WWOX: variants seen among roughly 807,000 people sequenced by gnomAD.
WWOX encodes the protein WW domain containing oxidoreductase.
Under a neutral mutation model 46.2 loss-of-function variants are expected in WWOX, and 69 were observed. The ratio of observed to expected loss-of-function variants is 1.49; its 90% CI spans 1.23 to 1.82. WWOX has a LOEUF of 1.82. WWOX is among the 40% of genes most tolerant of loss of function. The pLI is 0.00. For synonymous variants in WWOX, 359 were observed against 202.6 expected (o/e 1.77, Z -6.56); for missense variants, 919 against 542.6 (o/e 1.69, Z -6.89).
chr16:78,772,096 A>C (rs1461420064), intron 8 of WWOX, among the ~76,000 whole-genome samples: 2 of 152,148 alleles, frequency 1.3e-5, no homozygotes, highest in African/African-American at 4.8e-5. Flanking sequence ...TTATATAGGT[A>C]ACTTCATGTC....
At chr16:79,198,591 A>G (rs2051286995) in intron 8 of WWOX, among the ~76,000 whole-genome samples, 1 of 152,178 alleles carries the variant, frequency 6.6e-6, no homozygotes, top group African/African-American at 2.4e-5. Context: ...TGACAAATGC[A>G]TTGTGAGTGT....
chr16:78,329,106 C>T (rs1597490103), intron 5 of WWOX, among the ~76,000 whole-genome samples: 2 of 152,146 alleles, frequency 1.3e-5, no homozygotes, highest in East Asian at 3.9e-4. Flanking sequence ...CATGATTCAC[C>T]AACCTTGGCC....
At chr16:78,524,519 C>G (rs1468481456) in intron 8 of WWOX, among the ~76,000 whole-genome samples, 3 of 151,810 alleles carry the variant, frequency 2.0e-5, no homozygotes, top group Non-Finnish European at 2.9e-5. Context: ...CTCCCGTGTC[C>G]AAGTGATTCT....
intron 8 of WWOX, among the ~76,000 whole-genome samples, chr16:78,923,276 C>G (rs558395924): frequency 2.6e-5 from 4 of 152,104 alleles, no homozygotes; most frequent in Non-Finnish European, 5.9e-5. Flanking sequence ...CCACTGTGCC[C>G]GGCCATCTTT....
At chr16:79,149,804 C>T (rs1316982604) in intron 8 of WWOX, among the ~76,000 whole-genome samples, 2 of 152,226 alleles carry the variant, frequency 1.3e-5, no homozygotes, top group Admixed American at 1.3e-4. Flanking sequence ...TCACTCAGTT[C>T]TGTTGGCATG....
intron 8 of WWOX, among the ~76,000 whole-genome samples, chr16:78,848,540 T>A (rs2052358468): frequency 6.6e-6 from 1 of 152,140 alleles, no homozygotes; most frequent in South Asian, 2.1e-4. Flanking sequence ...GAAAGTCCTT[T>A]ATGTGGTGTT....
chr16:78,637,277 A>G lies in WWOX; in HGVS notation c.1056+204525A>G, dbSNP rs540180815. 3.6e-4 allele frequency among the ~76,000 whole-genome samples: 55 copies of G among 152,000 alleles called. 1 individual carries two copies. Among genetic ancestry groups the G allele is most frequent in the Non-Finnish European group, 4.0e-4 (27 of 68,014 alleles). ...CCAACCAACGACCCTTCCCATATCTACTAAAAATACAAAAATTAGCTGGGC... is the reference window on the plus strand; with the variant it reads ...CCAACCAACGACCCTTCCCATATCTGCTAAAAATACAAAAATTAGCTGGGC... On this transcript the variant is annotated intron_variant, in intron 8 of 8. Transcript: ENST00000566780.
intron 8 of WWOX, among the ~76,000 whole-genome samples, chr16:78,801,384 C>T (rs2050884195): frequency 6.6e-6 from 1 of 152,134 alleles, no homozygotes; most frequent in African/African-American, 2.4e-5. Context: ...GTGGCATGTG[C>T]TATAATCCCA....
intron 8 of WWOX, among the ~76,000 whole-genome samples, chr16:79,040,802 C>T (rs147255556): frequency 5.9e-4 from 90 of 152,076 alleles, no homozygotes; most frequent in African/African-American, 2.1e-3. Context: ...TTGTCCTTGT[C>T]CGGAGAGCTC....
chr16:78,992,138 G>A (rs1454017972), intron 8 of WWOX, among the ~76,000 whole-genome samples: 3 of 152,194 alleles, frequency 2.0e-5, no homozygotes, highest in African/African-American at 7.2e-5. Flanking sequence ...AGGTAATCCT[G>A]TCCTTGAGGC....
At chr16:79,169,967 A>G (rs1022847079) in intron 8 of WWOX, among the ~76,000 whole-genome samples, 2 of 152,188 alleles carry the variant, frequency 1.3e-5, no homozygotes, top group African/African-American at 4.8e-5. Context: ...TCTGTTGACC[A>G]GGCTTGGGTG....
chr16:78,793,842 G>A (rs542850592), intron 8 of WWOX, among the ~76,000 whole-genome samples: 13 of 152,074 alleles, frequency 8.5e-5, no homozygotes, highest in African/African-American at 2.4e-4. Flanking sequence ...TTGGGAGGCC[G>A]AGGCAGGAGA....
At chr16:79,058,057 C>T (rs77165673) in intron 8 of WWOX, among the ~76,000 whole-genome samples, 1 of 150,786 alleles carries the variant, frequency 6.6e-6, no homozygotes, top group Middle Eastern at 3.2e-3. Context: ...CATCACTTTT[C>T]CTCCACACTA....
chr16:78,130,323 C>T (rs1247168943), intron 4 of WWOX, among the ~76,000 whole-genome samples: 1 of 152,072 alleles, frequency 6.6e-6, no homozygotes, highest in African/African-American at 2.4e-5. Context: ...GCTAACTTTC[C>T]TTAAGCTATG....
chr16:78,802,640 C>T (rs2050920451), intron 8 of WWOX, among the ~76,000 whole-genome samples: 2 of 151,788 alleles, frequency 1.3e-5, no homozygotes, highest in South Asian at 2.1e-4. Context: ...GAATGGCTGG[C>T]CACCGTGCCT....
intron 8 of WWOX, among the ~76,000 whole-genome samples, chr16:78,466,370 G>A (rs2084079095): frequency 6.6e-6 from 1 of 152,012 alleles, no homozygotes; most frequent in South Asian, 2.1e-4. Context: ...AAACTGTTTT[G>A]GAACTAGAGG....
chr16:78,323,171 G>A (rs976681136), intron 5 of WWOX, among the ~76,000 whole-genome samples: 4 of 152,052 alleles, frequency 2.6e-5, no homozygotes, highest in African/African-American at 9.7e-5. Flanking sequence ...ACAGTGGCAC[G>A]ATCTCAGCTC....
intron 8 of WWOX, among the ~76,000 whole-genome samples, chr16:78,448,740 AATC>A (rs1264193151): frequency 6.6e-6 from 1 of 152,154 alleles, no homozygotes; most frequent in Non-Finnish European, 1.5e-5. Context: ...GGGGAGGAAT[AATC>A]ATGTCTTCTC....
At chr16:78,725,316 T>G (rs1390828950) in intron 8 of WWOX, among the ~76,000 whole-genome samples, 1 of 151,168 alleles carries the variant, frequency 6.6e-6, no homozygotes, top group Non-Finnish European at 1.5e-5. Flanking sequence ...TATGTCTTTT[T>G]TTTTCCTTTT....
Sources: allele counts gnomAD v4.1 joint callset (sites outside exome capture counted in the v4.1 genomes callset), GRCh38; gene constraint gnomAD v4.1.1; transcripts MANE v1.5; gene names NCBI Gene and HGNC (gene_info 2026-07-23, HGNC 2026-07-21).